Variants in SPINT2 observed in about 807,000 individuals in gnomAD.
SPINT2 encodes kunitz-type protease inhibitor 2.
In SPINT2, 18 loss-of-function variants were observed where a neutral mutation model predicts 30.1. The observed-to-expected ratio is 0.60, with a 90% CI of 0.41 to 0.89. SPINT2 has a LOEUF of 0.89. Ranked by LOEUF, SPINT2 falls within the 40% of genes least tolerant of loss-of-function variation. The probability of loss-of-function intolerance (pLI) is 0.00; values close to 1 mark genes in which losing one functional copy is unlikely to be tolerated. For missense variants in SPINT2, 276 were observed against 334.3 expected, an observed-to-expected ratio of 0.83 and a Z score of 1.36; for synonymous variants, 139 against 137.9, an observed-to-expected ratio of 1.01 and a Z score of -0.05.
chr19:38,292,153 G>A lies in SPINT2; in HGVS notation c.*147G>A, dbSNP rs1968729876. On this transcript the variant is annotated 3_prime_UTR_variant, in exon 7 of 7. Transcript: ENST00000301244. ...AGGACGGCTGCTTCCTGGTCTGGCA[G>A]GGATGGGTTTGCTTTGGAAATCCTC... 4 of 1,186,690 alleles carry A rather than the reference G, an allele frequency of 3.4e-6. No homozygotes were observed. Among genetic ancestry groups the A allele is most frequent in the Admixed American group, 2.1e-5 (1 of 48,060 alleles). 73.5% of individuals were successfully genotyped at this position (1,186,690 alleles called of 1,614,324 possible). A position where few individuals can be genotyped will look rare whatever the true frequency, so the allele number is the denominator to read the frequency against.
chr19:38,266,985 T>C (rs1265758969), intron 1 of SPINT2, among the ~76,000 whole-genome samples: 2 of 152,114 alleles, frequency 1.3e-5, no homozygotes, highest in Non-Finnish European at 2.9e-5. Context: ...CTACCTCTGG[T>C]GCTTACTCTG....
intron 1 of SPINT2, chr19:38,265,231 A>C: frequency 2.1e-6 from 1 of 470,892 alleles, no homozygotes; most frequent in Non-Finnish European, 3.9e-6. Context: ...CTTCGGGTGG[A>C]GGAAGAGTCA....
At chr19:38,289,908 G>A (rs1968694221) in intron 4 of SPINT2, 1 of 621,852 alleles carries the variant, frequency 1.6e-6, no homozygotes. Flanking sequence ...TTGGCAGAGA[G>A]CAGCCTTCAA....
At chr19:38,270,395 C>T (rs1309490633) in intron 1 of SPINT2, among the ~76,000 whole-genome samples, 1 of 152,130 alleles carries the variant, frequency 6.6e-6, no homozygotes, top group Non-Finnish European at 1.5e-5. Flanking sequence ...ATTGAGCACC[C>T]ACCAATTGCC....
chr19:38,281,212 G>A (rs1968577582), intron 1 of SPINT2, among the ~76,000 whole-genome samples: 1 of 152,060 alleles, frequency 6.6e-6, no homozygotes, highest in Admixed American at 6.6e-5. Flanking sequence ...CCTGTTCCAG[G>A]TGTACAGCCA....
intron 1 of SPINT2, among the ~76,000 whole-genome samples, chr19:38,266,443 A>G (rs1345508300): frequency 6.6e-6 from 1 of 152,126 alleles, no homozygotes; most frequent in African/African-American, 2.4e-5. Flanking sequence ...TGGGAGGCCA[A>G]GGCGGGCAGA....
rs754531694 is a variant in SPINT2 at position 38,290,552 on chromosome 19, C to T, written c.569C>T (p.Pro190Leu). 1.9e-6 allele frequency: 3 copies of T among 1,614,114 alleles called. No homozygotes were observed. The highest frequency in any genetic ancestry group is 1.1e-5 in the South Asian group (1 of 91,072). ...TCTCTTCCAGGCCAGCAGGAGAATC[C>T]TCCCCTGCCCCTTGGCTCAAAGGGT... ...MLRCFRQQEN[P>L]PLPLGSKVVV... is the part of the protein sequence containing the mutation. Residue 190 changes from proline (P) to leucine (L), a missense_variant, in exon 6 of 7, where the codon CCT (proline) becomes CTT (leucine). By Grantham distance (98) the Pro-to-Leu change is moderately conservative. Coordinates refer to ENST00000301244, the MANE Select transcript of SPINT2 (RefSeq NM_021102.4). This position sits in a 1 kb window ranked among gnomAD's most constrained non-coding sequence, Gnocchi z 4.3.
Position 38,291,845 on chromosome 19 carries a change from G to C in SPINT2, c.598G>C (p.Val200Leu), listed in dbSNP as rs11548457. The C allele has an allele frequency of 0.034, 55,370 of 1,612,424 alleles. 1,203 individuals are homozygous for C. The highest frequency in any genetic ancestry group is 0.038 in the Non-Finnish European group (45,116 of 1,179,858). Residue 200 changes from valine to leucine, a missense_variant, in exon 7 of 7, where the codon GTT becomes CTT. Transcript: ENST00000301244. ...PPLPLGSKVV[V>L]LAGLFVMVLI... is the part of the protein sequence containing the mutation. Reference sequence around the variant, plus strand: ...GGCCCCTCTCTCGTCCTCAGTGGTGGTTCTGGCGGGGCTGTTCGTGATGGT... The same window carrying C: ...GGCCCCTCTCTCGTCCTCAGTGGTGCTTCTGGCGGGGCTGTTCGTGATGGT...
At chr19:38,268,495 G>A (rs1968407379) in intron 1 of SPINT2, among the ~76,000 whole-genome samples, 1 of 152,162 alleles carries the variant, frequency 6.6e-6, no homozygotes, top group Admixed American at 6.6e-5. Context: ...AAGATGTAAT[G>A]GAACCAAACC....
At chr19:38,289,012 A>C in intron 3 of SPINT2, 126 bp from the exon 4 acceptor site, 1 of 838,262 alleles carries the variant, frequency 1.2e-6, no homozygotes, top group East Asian at 2.5e-5. Context: ...CGGCCATGGA[A>C]GGGGCTACAC....
chr19:38,266,997 G>A (rs1968386540), intron 1 of SPINT2, among the ~76,000 whole-genome samples: 1 of 152,198 alleles, frequency 6.6e-6, no homozygotes, highest in East Asian at 1.9e-4. Context: ...CTTACTCTGA[G>A]CTGGGATGTG....
At chr19:38,291,816 C>T (rs373882432) in intron 6 of SPINT2, 24 bp from the exon 7 acceptor site, 5 of 1,611,068 alleles carry the variant, frequency 3.1e-6, no homozygotes, top group Non-Finnish European at 4.2e-6. Flanking sequence ...CTGGCCCGTC[C>T]TGAGGCCCCT....
At chr19:38,288,330 C>A in intron 3 of SPINT2, 1 of 362,162 alleles carries the variant, frequency 2.8e-6, no homozygotes. Context: ...TCCCTGTTGC[C>A]ATCGCTGTCC....
chr19:38,272,768 G>C (rs963190842), intron 1 of SPINT2, among the ~76,000 whole-genome samples: 12 of 152,172 alleles, frequency 7.9e-5, no homozygotes, highest in Non-Finnish European at 8.8e-5. Flanking sequence ...CCCAGACTCT[G>C]GAGTGCAGTG....
intron 1 of SPINT2, among the ~76,000 whole-genome samples, chr19:38,282,890 G>A (rs1968595720): frequency 6.6e-6 from 1 of 152,212 alleles, no homozygotes; most frequent in Non-Finnish European, 1.5e-5. Flanking sequence ...GGTGCTGATA[G>A]CGCCTCTCCT....
intron 1 of SPINT2, among the ~76,000 whole-genome samples, chr19:38,273,819 A>T (rs1459828045): frequency 6.6e-6 from 1 of 152,098 alleles, no homozygotes; most frequent in Non-Finnish European, 1.5e-5. Flanking sequence ...CTCCGTCAGC[A>T]TGCTTGGTTG....
chr19:38,285,785 G>A (rs1161851455), intron 2 of SPINT2, among the ~76,000 whole-genome samples: 1 of 152,190 alleles, frequency 6.6e-6, no homozygotes, highest in Non-Finnish European at 1.5e-5. Context: ...CCCAGTTACT[G>A]TATTTCTATC....
chr19:38,280,368 C>T (rs890256813), intron 1 of SPINT2, among the ~76,000 whole-genome samples: 1 of 152,186 alleles, frequency 6.6e-6, no homozygotes, highest in Non-Finnish European at 1.5e-5. Context: ...CATCGTGTTC[C>T]ATTGATGCTT....
rs568313502 is a variant in SPINT2 at position 38,269,894 on chromosome 19, C to T, written c.106+4896C>T. 2.6e-5 allele frequency among the ~76,000 whole-genome samples: 4 copies of T among 152,376 alleles called. No homozygotes were observed. The South Asian group carries it at 8.3e-4, about 32-fold the overall frequency. ...AAAGTGCTGGGATTACAGGCGTGAGCCACCGCGCCCGGCCTGAGATGGGAT... is the reference window on the plus strand; with the variant it reads ...AAAGTGCTGGGATTACAGGCGTGAGTCACCGCGCCCGGCCTGAGATGGGAT... On this transcript the variant is annotated intron_variant, in intron 1 of 6. Coordinates refer to ENST00000301244, the MANE Select transcript of SPINT2 (RefSeq NM_021102.4).
Sources: gnomAD v4.1 joint callset for allele counts (sites outside exome capture counted in the v4.1 genomes callset) on GRCh38, gnomAD v4.1.1 for gene constraint, Gnocchi (gnomAD v3.1) non-coding constraint, MANE v1.5 for transcripts, NCBI Gene and HGNC (gene_info 2026-07-23, HGNC 2026-07-21) for gene names.